The following RABGAP1 variants were observed in gnomAD, a reference collection of about 807,000 sequenced individuals.
RABGAP1 encodes RAB GTPase activating protein 1.
In RABGAP1, 23 loss-of-function variants were observed where a neutral mutation model predicts 137.6. The observed-to-expected ratio is 0.17, with a 90% CI of 0.12 to 0.24. RABGAP1 has a LOEUF of 0.24. Ranked by LOEUF, RABGAP1 falls within the 10% of genes least tolerant of loss-of-function variation. RABGAP1 has a pLI of 1.00. For missense variants in RABGAP1, 906 were observed against 1,275.8 expected, an observed-to-expected ratio of 0.71 and a Z score of 4.42; for synonymous variants, 451 against 450.7, an observed-to-expected ratio of 1.00 and a Z score of -0.01.
At chr9:123,086,119 T>C (rs1217371762) in intron 19 of RABGAP1, among the ~76,000 whole-genome samples, 2 of 152,168 alleles carry the variant, frequency 1.3e-5, no homozygotes, top group African/African-American at 4.8e-5. Flanking sequence ...TGAGAATAGT[T>C]ACATAACTGA....
intron 2 of RABGAP1, among the ~76,000 whole-genome samples, chr9:122,978,721 G>T (rs1322780901): frequency 6.6e-6 from 1 of 152,080 alleles, no homozygotes; most frequent in Non-Finnish European, 1.5e-5. Context: ...GAGTCATATG[G>T]TAAGTGTAAT....
At chr9:122,998,321 T>C (rs984925643) in intron 9 of RABGAP1, among the ~76,000 whole-genome samples, 9 of 152,020 alleles carry the variant, frequency 5.9e-5, no homozygotes, top group Admixed American at 4.6e-4. Flanking sequence ...GCTGGTCTCA[T>C]GGGCTCAAGT....
intron 6 of RABGAP1, 54 bp from the exon 7 acceptor site, chr9:122,995,987 T>C (rs1298499155): frequency 2.0e-6 from 3 of 1,538,252 alleles, no homozygotes; most frequent in African/African-American, 1.4e-5. Flanking sequence ...AAAATGGTTC[T>C]AGTATGTGAC....
chr9:123,002,756 C>G (rs926883623), intron 10 of RABGAP1, among the ~76,000 whole-genome samples: 1 of 151,844 alleles, frequency 6.6e-6, no homozygotes, highest in Non-Finnish European at 1.5e-5. Context: ...CTATTAATAA[C>G]TTAATTTTTT....
At chr9:123,080,503 T>C (rs2034672857) in intron 19 of RABGAP1, among the ~76,000 whole-genome samples, 1 of 152,224 alleles carries the variant, frequency 6.6e-6, no homozygotes, top group African/African-American at 2.4e-5. Flanking sequence ...CTGGCAGCTA[T>C]ACTTAATACC....
intron 11 of RABGAP1, 92 bp from the exon 12 acceptor site, chr9:123,015,451 A>G (rs946749395): frequency 1.4e-6 from 1 of 728,324 alleles, no homozygotes; most frequent in African/African-American, 1.8e-5. Context: ...GCTCCCAGTA[A>G]AGTCTTTCAA....
intron 19 of RABGAP1, among the ~76,000 whole-genome samples, chr9:123,081,004 A>G (rs2034689721): frequency 6.6e-6 from 1 of 151,960 alleles, no homozygotes; most frequent in East Asian, 1.9e-4. Context: ...TACCTTTGAG[A>G]CAGAAAGACC....
intron 13 of RABGAP1, among the ~76,000 whole-genome samples, chr9:123,026,213 A>C (rs1188995048): frequency 6.6e-6 from 1 of 151,944 alleles, no homozygotes; most frequent in East Asian, 1.9e-4. Context: ...AATCACAGCT[A>C]CTCGGGAGCC....
intron 2 of RABGAP1, among the ~76,000 whole-genome samples, chr9:122,982,132 A>G (rs1334190193): frequency 6.6e-6 from 1 of 152,168 alleles, no homozygotes; most frequent in Non-Finnish European, 1.5e-5. Flanking sequence ...ATGATCTAAC[A>G]TGATAATTGT....
chr9:123,030,939 T>A (rs921239409), intron 13 of RABGAP1, among the ~76,000 whole-genome samples: 5 of 152,202 alleles, frequency 3.3e-5, no homozygotes, highest in Admixed American at 6.5e-5. Context: ...CAGTTAAATG[T>A]GGCTATTAGT....
intron 13 of RABGAP1, among the ~76,000 whole-genome samples, chr9:123,051,475 G>A (rs1020163718): frequency 6.6e-6 from 1 of 150,832 alleles, no homozygotes; most frequent in African/African-American, 2.4e-5. Context: ...TCGAACTCCC[G>A]ACCTTAGGTG....
intron 2 of RABGAP1, among the ~76,000 whole-genome samples, chr9:122,974,755 C>T (rs960077164): frequency 1.3e-5 from 2 of 152,164 alleles, no homozygotes; most frequent in African/African-American, 4.8e-5. Context: ...TGTTCTTTCC[C>T]GTCCTCTTTT....
chr9:122,982,914 G>T (rs1027762199), intron 2 of RABGAP1, among the ~76,000 whole-genome samples: 4 of 152,120 alleles, frequency 2.6e-5, no homozygotes, highest in Non-Finnish European at 5.9e-5. Context: ...CTATCACCCA[G>T]GCTGGAGTGC....
intron 9 of RABGAP1, 94 bp downstream of exon 9, chr9:122,997,455 A>C (rs1837086879): frequency 1.3e-6 from 1 of 788,114 alleles, no homozygotes; most frequent in Non-Finnish European, 1.9e-6. Context: ...TCCAGTGTTT[A>C]CCTAATTTTG....
chr9:122,990,049 G>C lies in RABGAP1; in HGVS notation c.766-7G>C. 1 of 1,589,260 alleles carries C rather than the reference G, an allele frequency of 6.3e-7. No individual in the cohort carries two copies. The highest frequency in any genetic ancestry group is 8.6e-7 in the Non-Finnish European group (1 of 1,163,390). Reference sequence around the variant, plus strand: ...AACAGCCCATTTCCTAACATGTCTGGTTGTAGGTAAGCCGGATACTTTACA... The same window carrying C: ...AACAGCCCATTTCCTAACATGTCTGCTTGTAGGTAAGCCGGATACTTTACA... On this transcript the variant is annotated splice_region_variant and splice_polypyrimidine_tract_variant and intron_variant, in intron 5 of 25. Coordinates refer to ENST00000373647, the MANE Select transcript of RABGAP1 (RefSeq NM_012197.4).
In RABGAP1 at chr9:122,984,697, A is replaced by C; in HGVS notation, c.363A>C (p.Leu121=). Residue 121 remains leucine, a synonymous_variant, in exon 3 of 26, where the codon CTA becomes CTC. Transcript: ENST00000373647. The part of the protein sequence containing the change: ...LVGLQKPEMS[L]PVKPGQGDSE... ...GGCTCCAAAAACCAGAGATGAGCCT[A>C]CCAGTGAAACCTGGACAAGGAGGTT... is the stretch of plus-strand genomic sequence containing the variant. The C allele has an allele frequency of 1.2e-6, 2 of 1,614,060 alleles. No homozygotes were observed. The highest frequency in any genetic ancestry group is 8.5e-7 in the Non-Finnish European group (1 of 1,179,896).
At chr9:123,025,327 CTTTG>C (rs1177540557) in intron 13 of RABGAP1, among the ~76,000 whole-genome samples, 1 of 152,138 alleles carries the variant, frequency 6.6e-6, no homozygotes, top group Non-Finnish European at 1.5e-5. Flanking sequence ...GAAAGCAAAT[CTTTG>C]TTTTCTATCT....
intron 6 of RABGAP1, among the ~76,000 whole-genome samples, chr9:122,995,368 T>A (rs540435968): frequency 6.6e-6 from 1 of 152,130 alleles, no homozygotes; most frequent in Non-Finnish European, 1.5e-5. Context: ...GCAAAGAAGG[T>A]GATAATAATC....
chr9:122,989,188 C>T, intron 4 of RABGAP1, 109 bp from the exon 5 acceptor site: 4 of 1,021,182 alleles, frequency 3.9e-6, no homozygotes, highest in Non-Finnish European at 5.9e-6. Context: ...ATCAGCATAC[C>T]AAATATATGA....
Sources: allele counts gnomAD v4.1 joint callset (sites outside exome capture counted in the v4.1 genomes callset), GRCh38; gene constraint gnomAD v4.1.1; transcripts MANE v1.5; gene names NCBI Gene and HGNC (gene_info 2026-07-23, HGNC 2026-07-21).